Variants in RANBP2 observed in about 807,000 individuals in gnomAD.
The protein encoded by RANBP2 is E3 SUMO-protein ligase RanBP2.
Under a neutral mutation model 303.6 loss-of-function variants are expected in RANBP2, and 57 were observed. The ratio of observed to expected loss-of-function variants is 0.19; its 90% CI spans 0.15 to 0.23. The LOEUF (loss-of-function observed/expected upper bound fraction) is 0.23. RANBP2 is among the 10% of genes least tolerant of loss of function. The pLI, the probability that RANBP2 is intolerant of heterozygous loss-of-function variation, is 1.00. For synonymous variants in RANBP2, 1,167 were observed against 1,301.5 expected (o/e 0.90, Z 2.23); for missense variants, 3,138 against 3,780.8 (o/e 0.83, Z 4.46).
chr2:109,365,051 AAAACAAACAAAC>A, the RANBP2 span, among the ~76,000 whole-genome samples: 1 of 151,484 alleles, frequency 6.6e-6, no homozygotes, highest in Non-Finnish European at 1.5e-5. Context: ...ACACACATAT[AAAACAAACAAAC>A]AAACAAACAA....
At chr2:108,997,319 T>C in the RANBP2 span, among the ~76,000 whole-genome samples, 34 of 151,558 alleles carry the variant, frequency 2.2e-4, no homozygotes, top group Middle Eastern at 3.4e-3. Context: ...CGTGCGCCTG[T>C]AGTCCCAGCT....
chr2:109,412,112 T>G, the RANBP2 span, among the ~76,000 whole-genome samples: 1 of 152,226 alleles, frequency 6.6e-6, no homozygotes, highest in Non-Finnish European at 1.5e-5. Flanking sequence ...CGCAGGGCAG[T>G]CGGTGGATGC....
chr2:108,863,788 G>A, the RANBP2 span, among the ~76,000 whole-genome samples: 1 of 152,156 alleles, frequency 6.6e-6, no homozygotes, highest in African/African-American at 2.4e-5. Context: ...AGTTGTTCTT[G>A]GTCAGCCACT....
At chr2:108,962,547 C>T in the RANBP2 span, among the ~76,000 whole-genome samples, 6 of 151,586 alleles carry the variant, frequency 4.0e-5, no homozygotes, top group Non-Finnish European at 5.9e-5. Context: ...TGGTGGCGGG[C>T]GCCTGTAGTC....
the RANBP2 span, among the ~76,000 whole-genome samples, chr2:109,300,820 A>C: frequency 6.6e-6 from 1 of 152,166 alleles, no homozygotes; most frequent in Non-Finnish European, 1.5e-5. Context: ...TGTCATTACC[A>C]CAGTCTTTGC....
chr2:108,738,505 C>T (rs1240951016), intron 6 of RANBP2, among the ~76,000 whole-genome samples: 1 of 151,752 alleles, frequency 6.6e-6, no homozygotes, highest in Non-Finnish European at 1.5e-5. Flanking sequence ...GATTGCAGGT[C>T]TGAGCCACTG....
chr2:109,323,100 C>T, the RANBP2 span, among the ~76,000 whole-genome samples: 1 of 152,186 alleles, frequency 6.6e-6, no homozygotes, highest in Non-Finnish European at 1.5e-5. Flanking sequence ...TCTGCTTTTG[C>T]CACTGTGCCC....
the RANBP2 span, among the ~76,000 whole-genome samples, chr2:109,554,344 T>A: frequency 5.9e-5 from 9 of 152,344 alleles, no homozygotes; most frequent in East Asian, 1.7e-3. Flanking sequence ...CATTTGTGTA[T>A]CGTATACACA....
At chr2:109,398,575 C>A in the RANBP2 span, 1 of 1,537,230 alleles carries the variant, frequency 6.5e-7, no homozygotes, top group Admixed American at 1.9e-5. Context: ...CTCCCCTCTC[C>A]CCTTTCTCAC....
the RANBP2 span, chr2:109,129,659 C>CG: frequency 6.6e-7 from 1 of 1,506,162 alleles, no homozygotes; most frequent in Non-Finnish European, 8.8e-7. Flanking sequence ...GCCACCGCCG[C>CG]GGGGGCGGGC....
chr2:109,167,725 C>T, the RANBP2 span, among the ~76,000 whole-genome samples: 1 of 152,162 alleles, frequency 6.6e-6, no homozygotes, highest in African/African-American at 2.4e-5. Flanking sequence ...ACACCTGTCA[C>T]CACGCCTGGC....
the RANBP2 span, among the ~76,000 whole-genome samples, chr2:109,609,611 G>A: frequency 0.2 from 17,572 of 89,520 alleles, 1,168 homozygotes; most frequent in African/African-American, 0.22. Flanking sequence ...GCAAGACTCC[G>A]CCTCAAAAAA....
At chr2:109,730,776 C>CTT in the RANBP2 span, among the ~76,000 whole-genome samples, 1,352 of 79,370 alleles carry the variant, frequency 0.017, 33 homozygotes, top group Middle Eastern at 0.024. Flanking sequence ...CTCTCTCTCT[C>CTT]TTTTTTTTTT....
At chr2:109,677,777 G>A in the RANBP2 span, among the ~76,000 whole-genome samples, 2 of 152,176 alleles carry the variant, frequency 1.3e-5, no homozygotes, top group African/African-American at 4.8e-5. Flanking sequence ...TAAAGCCAAG[G>A]CCTTCCTGAG....
At chr2:109,591,349 A>G in the RANBP2 span, among the ~76,000 whole-genome samples, 2 of 152,134 alleles carry the variant, frequency 1.3e-5, no homozygotes, top group Non-Finnish European at 2.9e-5. Flanking sequence ...GCATTTCAAA[A>G]ATGAGGGTGT....
chr2:109,415,639 C>T, the RANBP2 span, among the ~76,000 whole-genome samples: 39 of 152,220 alleles, frequency 2.6e-4, no homozygotes, highest in South Asian at 5.4e-3. Context: ...CCTCCAGGGA[C>T]GCCGTGCCCT....
chr2:109,635,779 T>C, the RANBP2 span, among the ~76,000 whole-genome samples: 1 of 152,220 alleles, frequency 6.6e-6, no homozygotes, highest in Non-Finnish European at 1.5e-5. Flanking sequence ...TTAGATGCCA[T>C]GCACTTTCCC....
the RANBP2 span, among the ~76,000 whole-genome samples, chr2:109,039,820 A>G: frequency 4.0e-5 from 6 of 151,652 alleles, no homozygotes; most frequent in South Asian, 1.2e-3. Context: ...TCTATTTGTT[A>G]TGTGTATCTT....
chr2:109,413,865 TC>T, the RANBP2 span, among the ~76,000 whole-genome samples: 4 of 152,344 alleles, frequency 2.6e-5, no homozygotes, highest in East Asian at 7.7e-4. Flanking sequence ...ACTGGGGTCT[TC>T]CGCATCCCAT....
Sources: gnomAD v4.1 joint callset for allele counts (sites outside exome capture counted in the v4.1 genomes callset) on GRCh38, gnomAD v4.1.1 for gene constraint, MANE v1.5 for transcripts, NCBI Gene and HGNC (gene_info 2026-07-23, HGNC 2026-07-21) for gene names.